The following SKI variants were observed in gnomAD, a reference collection of about 807,000 sequenced individuals.
SKI encodes SKI proto-oncogene.
A neutral mutation model predicts 59.3 loss-of-function variants in SKI; 23 were observed. The ratio of observed to expected loss-of-function variants is 0.39; its 90% CI spans 0.28 to 0.55. The LOEUF is 0.55. SKI is among the 20% of genes least tolerant of loss of function. SKI has a pLI of 0.67. For synonymous variants in SKI, 673 were observed against 488.6 expected (o/e 1.38, Z -4.98); for missense variants, 1,017 against 1,038.9 (o/e 0.98, Z 0.29).
chr1:2,266,717 C>T (rs1639508047), intron 1 of SKI, among the ~76,000 whole-genome samples: 1 of 152,160 alleles, frequency 6.6e-6, no homozygotes, highest in Non-Finnish European at 1.5e-5. Context: ...CCTCCAGCTT[C>T]TCTCATCAGC....
At chr1:2,237,458 G>C (rs919545526) in intron 1 of SKI, among the ~76,000 whole-genome samples, 2 of 152,224 alleles carry the variant, frequency 1.3e-5, no homozygotes, top group Non-Finnish European at 2.9e-5. Context: ...TAATTACGTT[G>C]TGTTGTTCTG....
In SKI at chr1:2,303,727, G is replaced by C. The variant is rs752179395; in HGVS notation, c.1212-113G>C. 75 of 1,389,546 alleles carry C rather than the reference G, an allele frequency of 5.4e-5. No individual in the cohort carries two copies. Among genetic ancestry groups the C allele is most frequent in the Non-Finnish European group, 7.2e-5 (73 of 1,007,584 alleles). The allele number at this position is 1,389,546 out of a possible 1,614,324, so 86.1% of individuals were successfully genotyped here. A position where few individuals can be genotyped will look rare whatever the true frequency, so the allele number is the denominator to read the frequency against. On this transcript the variant is annotated intron_variant, in intron 3 of 6. Coordinates refer to ENST00000378536, the MANE Select transcript of SKI (RefSeq NM_003036.4). This position sits in a 1 kb window ranked among gnomAD's most constrained non-coding sequence, Gnocchi z 5.6. Reference sequence around the variant, plus strand: ...AACTGTAAGCTTGACTTGAAGATTCGGAGCTGGGAAAGTCTTTCCTGTTTA... The same window carrying C: ...AACTGTAAGCTTGACTTGAAGATTCCGAGCTGGGAAAGTCTTTCCTGTTTA...
In SKI at chr1:2,252,375, C is replaced by T. The variant is rs149582807; in HGVS notation, c.969+22640C>T. On this transcript the variant is annotated intron_variant, in intron 1 of 6. Transcript: ENST00000378536. The stretch of plus-strand genomic sequence containing the variant: ...TGTGGCTGCTGAGGAGGCTGCCCCA[C>T]GTTCTGATCCTGGTGCAGGGCTGCA... 2.1e-3 allele frequency among the ~76,000 whole-genome samples: 318 copies of T among 152,256 alleles called. 3 individuals are homozygous for T. The highest frequency in any genetic ancestry group is 7.2e-3 in the African/African-American group (301 of 41,542).
chr1:2,285,766 A>C (rs1333149620), intron 1 of SKI, among the ~76,000 whole-genome samples: 1 of 150,112 alleles, frequency 6.7e-6, no homozygotes, highest in African/African-American at 2.5e-5. Context: ...GGTTTTTACC[A>C]TGTTGGCCAG....
At chr1:2,272,562 C>A (rs1157253386) in intron 1 of SKI, among the ~76,000 whole-genome samples, 1 of 152,206 alleles carries the variant, frequency 6.6e-6, no homozygotes, top group Non-Finnish European at 1.5e-5. Flanking sequence ...CTCGGGGAAG[C>A]CCTTTGTGAC....
chr1:2,303,172 G>A lies in SKI; in HGVS notation c.1095+69G>A, dbSNP rs867336712. On this transcript the variant is annotated intron_variant, in intron 2 of 6. Transcript: ENST00000378536. This position sits in a 1 kb window ranked among gnomAD's most constrained non-coding sequence, Gnocchi z 5.6. ...GCCCTTCTCCTTGGGCAGACCCAGC[G>A]GCTGGCAGCTCCACCTGCCCGCTAC... The A allele has an allele frequency of 1.1e-4, 180 of 1,607,056 alleles. 2 individuals carry two copies. In the Middle Eastern group the frequency reaches 4.5e-3, roughly 40 times the overall value.
At chr1:2,234,512 G>C (rs149224139) in intron 1 of SKI, among the ~76,000 whole-genome samples, 285 of 152,304 alleles carry the variant, frequency 1.9e-3, no homozygotes, top group African/African-American at 5.7e-3. Flanking sequence ...GAAGTCTGGG[G>C]TAAGTGTGAG....
intron 1 of SKI, among the ~76,000 whole-genome samples, chr1:2,235,370 C>T (rs76875252): frequency 0.14 from 20,622 of 152,180 alleles, 1,966 homozygotes; most frequent in African/African-American, 0.26. Flanking sequence ...CCACGGAAGG[C>T]ATCCCCGGGG....
chr1:2,240,573 CAGA>C, intron 1 of SKI: 2 of 985,380 alleles, frequency 2.0e-6, no homozygotes, highest in Non-Finnish European at 2.4e-6. Context: ...TCGAGGCTCC[CAGA>C]AGAAGAAATC....
Position 2,277,920 on chromosome 1 carries a change from C to T in SKI, c.970-25058C>T, listed in dbSNP as rs1311677426. Among the ~76,000 whole-genome samples, 7 of 151,954 alleles carry T rather than the reference C, an allele frequency of 4.6e-5. No homozygotes were observed. The South Asian group carries it at 6.3e-4, about 14-fold the overall frequency. ...CACTCAACGCACTCGTCAGGACCCACGGGCAGATGTACACACATGCACCAG... is the reference window on the plus strand; with the variant it reads ...CACTCAACGCACTCGTCAGGACCCATGGGCAGATGTACACACATGCACCAG... On this transcript the variant is annotated intron_variant, in intron 1 of 6. Coordinates refer to ENST00000378536, the MANE Select transcript of SKI (RefSeq NM_003036.4).
intron 1 of SKI, among the ~76,000 whole-genome samples, chr1:2,280,276 C>T (rs1232081617): frequency 9.3e-5 from 14 of 150,890 alleles, no homozygotes; most frequent in East Asian, 1.9e-4. Flanking sequence ...CTTGGGAGGG[C>T]GAGGCAGGAG....
intron 1 of SKI, among the ~76,000 whole-genome samples, chr1:2,239,020 C>T (rs573623686): frequency 2.6e-5 from 4 of 152,184 alleles, no homozygotes; most frequent in East Asian, 1.9e-4. Context: ...CGGGTTGTGC[C>T]GTTGGCAGTG....
Position 2,229,352 on chromosome 1 carries a change from C to T in SKI, c.586C>T (p.Pro196Ser), listed in dbSNP as rs781231059. 1.9e-6 allele frequency: 3 copies of T among 1,596,194 alleles called. No individual in the cohort carries two copies. The highest frequency in any genetic ancestry group is 3.5e-5 in the Admixed American group (2 of 57,920). Residue 196 changes from proline to serine, a missense_variant, in exon 1 of 7, where the codon CCG (proline) becomes TCG (serine). Coordinates refer to ENST00000378536, the MANE Select transcript of SKI (RefSeq NM_003036.4). The surrounding 1 kb of genome is among the most constrained non-coding windows in gnomAD (Gnocchi z 6.3). ...CNALLYGGAY[P>S]PPCKKELAAS... Reference sequence around the variant, plus strand: ...CGCGCTGCTCTACGGCGGCGCCTACCCGCCGCCCTGCAAGAAGGAGCTGGC... The same window carrying T: ...CGCGCTGCTCTACGGCGGCGCCTACTCGCCGCCCTGCAAGAAGGAGCTGGC...
chr1:2,262,774 A>G (rs938283947), intron 1 of SKI, among the ~76,000 whole-genome samples: 1 of 151,904 alleles, frequency 6.6e-6, no homozygotes, highest in Non-Finnish European at 1.5e-5. Flanking sequence ...GTGTCTTTCT[A>G]TTTCAGGTTA....
chr1:2,237,210 G>A (rs79529804), intron 1 of SKI, among the ~76,000 whole-genome samples: 31 of 152,298 alleles, frequency 2.0e-4, no homozygotes, highest in African/African-American at 6.0e-4. Context: ...CGGGAAGTGC[G>A]TCAGGAGTGG....
At position 2,303,394 on chromosome 1, in the gene SKI, G is replaced by C. The variant is rs557289756; in HGVS notation, c.1205G>C (p.Arg402Pro). 4 of 1,611,862 alleles carry C rather than the reference G, an allele frequency of 2.5e-6. No homozygotes were observed. Among genetic ancestry groups the C allele is most frequent in the Non-Finnish European group, 3.4e-6 (4 of 1,179,134 alleles). Residue 402 changes from arginine to proline, a missense_variant, in exon 3 of 7, where the codon CGA becomes CCA. Physicochemically the swap from Arg to Pro is moderately radical, Grantham distance 103. Transcript: ENST00000378536. The surrounding 1 kb of genome is among the most constrained non-coding windows in gnomAD (Gnocchi z 5.6). Reference sequence around the variant, plus strand: ...TCCCCACACCTCCCGGCCCTCATCCGAGACAGGTGAGTGGGCGCCATTCAC... The same window carrying C: ...TCCCCACACCTCCCGGCCCTCATCCCAGACAGGTGAGTGGGCGCCATTCAC... ...ELSPHLPALIRDSFYSYKSFE... is the reference protein window; with the variant it reads ...ELSPHLPALIPDSFYSYKSFE...
At chr1:2,250,896 G>A (rs1292973510) in intron 1 of SKI, among the ~76,000 whole-genome samples, 2 of 152,258 alleles carry the variant, frequency 1.3e-5, no homozygotes, top group African/African-American at 2.4e-5. Flanking sequence ...CCGGGGGGCC[G>A]GTGCCCTATC....
intron 1 of SKI, among the ~76,000 whole-genome samples, chr1:2,290,720 C>T (rs1640143505): frequency 6.6e-6 from 1 of 152,180 alleles, no homozygotes. Flanking sequence ...TCTGAGGGCC[C>T]CTTCTGCCCC....
At chr1:2,249,916 T>G (rs1476370635) in intron 1 of SKI, among the ~76,000 whole-genome samples, 1 of 152,176 alleles carries the variant, frequency 6.6e-6, no homozygotes, top group Non-Finnish European at 1.5e-5. Context: ...GGCCACAGTT[T>G]TTTTTTTTGA....
Sources: allele counts gnomAD v4.1 joint callset (sites outside exome capture counted in the v4.1 genomes callset), GRCh38; gene constraint gnomAD v4.1.1; non-coding constraint Gnocchi (gnomAD v3.1); transcripts MANE v1.5; gene names NCBI Gene and HGNC (gene_info 2026-07-23, HGNC 2026-07-21).